ARID1B: variants seen among roughly 807,000 people sequenced by gnomAD.
ARID1B encodes the protein AT-rich interactive domain-containing protein 1B.
ARID1B carries 30 observed loss-of-function variants against 212.3 expected under a neutral mutation model. The observed-to-expected ratio is 0.14, with a 90% CI of 0.11 to 0.19. The LOEUF is 0.19. ARID1B is among the 10% of genes least tolerant of loss of function. The pLI is 1.00. For synonymous variants in ARID1B, 1,402 were observed against 1,301.7 expected, an observed-to-expected ratio of 1.08 and a Z score of -1.66; for missense variants, 2,891 against 3,204.0, an observed-to-expected ratio of 0.90 and a Z score of 2.36.
intron 2 of ARID1B, among the ~76,000 whole-genome samples, chr6:156,836,177 A>G (rs1783497919): frequency 6.6e-6 from 1 of 152,176 alleles, no homozygotes; most frequent in Non-Finnish European, 1.5e-5. Context: ...CACAAGATAA[A>G]TGGAAAGTTA....
intron 2 of ARID1B, among the ~76,000 whole-genome samples, chr6:156,861,405 T>C (rs936062977): frequency 1.3e-5 from 2 of 151,876 alleles, no homozygotes; most frequent in Non-Finnish European, 1.5e-5. Flanking sequence ...TTCGAGGAAT[T>C]CGAGAGCAGC....
intron 4 of ARID1B, among the ~76,000 whole-genome samples, chr6:157,020,602 T>TAAACAAC (rs1408329677): frequency 2.0e-5 from 3 of 152,186 alleles, no homozygotes; most frequent in Non-Finnish European, 2.9e-5. Context: ...TGGCATCACA[T>TAAACAAC]AAACAACAGC....
intron 8 of ARID1B, among the ~76,000 whole-genome samples, chr6:157,154,404 T>C (rs1790409375): frequency 6.6e-6 from 1 of 152,150 alleles, no homozygotes; most frequent in Non-Finnish European, 1.5e-5. Flanking sequence ...GTTTCAATTA[T>C]AGAATGAGCA....
At chr6:156,871,659 A>G (rs1786141392) in intron 2 of ARID1B, 12 of 1,611,706 alleles carry the variant, frequency 7.4e-6, no homozygotes, top group African/African-American at 2.7e-5. Flanking sequence ...GTTGGCAAGT[A>G]TCTTCTTACA....
At chr6:156,833,306 A>G (rs1313889087) in intron 2 of ARID1B, among the ~76,000 whole-genome samples, 1 of 152,126 alleles carries the variant, frequency 6.6e-6, no homozygotes, top group Non-Finnish European at 1.5e-5. Context: ...ATCCTTCGTG[A>G]TCATAAATGT....
chr6:156,825,902 AG>A (rs1782706923), intron 1 of ARID1B, among the ~76,000 whole-genome samples: 1 of 152,238 alleles, frequency 6.6e-6, no homozygotes, highest in African/African-American at 2.4e-5. Context: ...TATTTTTATC[AG>A]GCATAAATTC....
intron 4 of ARID1B, among the ~76,000 whole-genome samples, chr6:157,066,678 T>C (rs1275722630): frequency 1.3e-5 from 2 of 152,186 alleles, no homozygotes; most frequent in Non-Finnish European, 2.9e-5. Context: ...CATTTTCTGT[T>C]CCAGTGGAAG....
intron 2 of ARID1B, among the ~76,000 whole-genome samples, chr6:156,865,000 G>C (rs1218220457): frequency 1.3e-5 from 2 of 151,990 alleles, no homozygotes. Context: ...GGTTATAACT[G>C]TCTGTCTCTC....
chr6:156,983,187 G>T (rs1777717171), intron 4 of ARID1B, among the ~76,000 whole-genome samples: 1 of 152,060 alleles, frequency 6.6e-6, no homozygotes, highest in Admixed American at 6.5e-5. Flanking sequence ...ATGAGGTCAG[G>T]AGTTCAAGAC....
chr6:157,119,607 G>A (rs1247221920), intron 6 of ARID1B: 1 of 152,564 alleles, frequency 6.6e-6, no homozygotes, highest in Non-Finnish European at 1.5e-5. Flanking sequence ...AAGGTCCTCA[G>A]CCTGGCTCTT....
chr6:157,035,415 T>G (rs572250127), intron 4 of ARID1B, among the ~76,000 whole-genome samples: 2 of 152,340 alleles, frequency 1.3e-5, no homozygotes, highest in South Asian at 4.1e-4. Flanking sequence ...CAATGTTGAT[T>G]AGAGGTTTTA....
intron 1 of ARID1B, among the ~76,000 whole-genome samples, chr6:156,791,584 C>G (rs1780012047): frequency 6.6e-6 from 1 of 152,172 alleles, no homozygotes; most frequent in Non-Finnish European, 1.5e-5. Flanking sequence ...AAGGGTTTTT[C>G]TTTTTATTCC....
chr6:157,097,492 CTA>C (rs1378243443), intron 5 of ARID1B, among the ~76,000 whole-genome samples: 1 of 151,004 alleles, frequency 6.6e-6, no homozygotes, highest in Non-Finnish European at 1.5e-5. Context: ...CGCTCACGTG[CTA>C]TATTCTCTTT....
Position 157,094,945 on chromosome 6 carries a change from A to G in ARID1B, c.2491+10040A>G, listed in dbSNP as rs767441626. On this transcript the variant is annotated intron_variant, in intron 5 of 19. Coordinates refer to ENST00000636930, the MANE Select transcript of ARID1B (RefSeq NM_001374828.1). The surrounding 1 kb of genome is among the most constrained non-coding windows in gnomAD (Gnocchi z 4.3). ...GGAACACGTTTTTGAAGGGGAATCG[A>G]GAGTTTGGTTTTAAACATACTGTAT... is the stretch of plus-strand genomic sequence containing the variant. Among the ~76,000 whole-genome samples the G allele has an allele frequency of 1.4e-4, 21 of 152,130 alleles. No individual in the cohort carries two copies. Among genetic ancestry groups the G allele is most frequent in the Admixed American group, 2.6e-4 (4 of 15,268 alleles).
In ARID1B at chr6:157,070,836, C is replaced by T. The variant is rs569351391; in HGVS notation, c.2248-13826C>T. On this transcript the variant is annotated intron_variant, in intron 4 of 19. Coordinates refer to ENST00000636930, the MANE Select transcript of ARID1B (RefSeq NM_001374828.1). ...CCCATAGAAAAGCAAATGCCTGCAG[C>T]GCTAATAATGAGAACTGACAAGGCA... 2.2e-4 allele frequency among the ~76,000 whole-genome samples: 33 copies of T among 152,290 alleles called. No individual in the cohort carries two copies. In the South Asian group the frequency reaches 5.2e-3, roughly 24 times the overall value.
intron 3 of ARID1B, among the ~76,000 whole-genome samples, chr6:156,922,967 T>G (rs544585092): frequency 1.3e-5 from 2 of 152,236 alleles, no homozygotes; most frequent in East Asian, 3.9e-4. Context: ...TGCTTCTTGG[T>G]TGGGAGAAGA....
chr6:157,068,919 C>T lies in ARID1B; in HGVS notation c.2248-15743C>T, dbSNP rs778363015. ...TTTGATATGAATCACTTAGCTTCTC[C>T]GGACCTCTGTTTCACATTTCGAAAA... On this transcript the variant is annotated intron_variant, in intron 4 of 19. Coordinates refer to ENST00000636930, the MANE Select transcript of ARID1B (RefSeq NM_001374828.1). 7.2e-5 allele frequency among the ~76,000 whole-genome samples: 11 copies of T among 152,248 alleles called. No individual in the cohort carries two copies. In the East Asian group the frequency reaches 7.7e-4, roughly 11 times the overall value.
intron 6 of ARID1B, among the ~76,000 whole-genome samples, chr6:157,114,665 A>G (rs1473005415): frequency 1.3e-5 from 2 of 152,066 alleles, no homozygotes; most frequent in African/African-American, 4.8e-5. Context: ...GTTTGTTTTA[A>G]TAAATAAGAT....
chr6:156,804,867 CAA>C (rs61315445), intron 1 of ARID1B, among the ~76,000 whole-genome samples: 1,186 of 85,076 alleles, frequency 0.014, 14 homozygotes, highest in African/African-American at 0.046. Context: ...ATCTGATTGG[CAA>C]AAAAAAAAAA....
Sources: gnomAD v4.1 joint callset for allele counts (sites outside exome capture counted in the v4.1 genomes callset) on GRCh38, gnomAD v4.1.1 for gene constraint, Gnocchi (gnomAD v3.1) non-coding constraint, MANE v1.5 for transcripts, NCBI Gene and HGNC (gene_info 2026-07-23, HGNC 2026-07-21) for gene names.